The following SGCD variants were observed in gnomAD, a reference collection of about 807,000 sequenced individuals.
SGCD encodes delta-sarcoglycan.
A neutral mutation model predicts 36.6 loss-of-function variants in SGCD; 18 were observed. That is an observed-to-expected ratio of 0.49 (90% CI 0.34 to 0.73). The LOEUF is 0.73. SGCD is among the 30% of genes least tolerant of loss of function. The pLI, the probability that SGCD is intolerant of heterozygous loss-of-function variation, is 0.01. For missense variants in SGCD, 387 were observed against 346.7 expected (o/e 1.12, Z -0.92); for synonymous variants, 133 against 130.6 (o/e 1.02, Z -0.12).
At chr5:156,529,155 G>C (rs1463893127) in intron 4 of SGCD, among the ~76,000 whole-genome samples, 1 of 152,026 alleles carries the variant, frequency 6.6e-6, no homozygotes, top group South Asian at 2.1e-4. Context: ...GGGCCGGTGC[G>C]CCAGCTCACG....
chr5:156,120,246 G>A (rs189406464), intron 2 of SGCD, among the ~76,000 whole-genome samples: 1 of 152,210 alleles, frequency 6.6e-6, no homozygotes, highest in Admixed American at 6.5e-5. Flanking sequence ...AGCAGAAAGA[G>A]GTGTGTAGGG....
At chr5:156,028,092 G>A (rs1759264102) in intron 1 of SGCD, among the ~76,000 whole-genome samples, 1 of 152,260 alleles carries the variant, frequency 6.6e-6, no homozygotes, top group Non-Finnish European at 1.5e-5. Flanking sequence ...TTTCAACAGA[G>A]GGATTTTGGA....
chr5:156,038,528 C>T lies in SGCD; in HGVS notation c.-281-79350C>T, dbSNP rs147551964. Reference sequence around the variant, plus strand: ...GAAAATTATTAGGATGTGATACATACAGGAACTCTGTACTGTATTTGCAAC... The same window carrying T: ...GAAAATTATTAGGATGTGATACATATAGGAACTCTGTACTGTATTTGCAAC... On this transcript the variant is annotated intron_variant, in intron 1 of 9. Transcript: ENST00000517913. Among the ~76,000 whole-genome samples the T allele has an allele frequency of 4.6e-5, 7 of 152,058 alleles. No homozygotes were observed. The East Asian group carries it at 1.4e-3, about 29-fold the overall frequency.
chr5:156,755,352 G>C lies in SGCD; in HGVS notation c.576-2229G>C, dbSNP rs116408696. 3.3e-3 allele frequency among the ~76,000 whole-genome samples: 507 copies of C among 152,292 alleles called. 6 individuals carry two copies. Among genetic ancestry groups the C allele is most frequent in the African/African-American group, 0.011 (466 of 41,554 alleles). ...AAAGCACAAACTCATCCTACAAGGA[G>C]AAAGGTATCGACATTAGTGGAAACA... On this transcript the variant is annotated intron_variant, in intron 7 of 8. Coordinates refer to ENST00000337851, the MANE Select transcript of SGCD (RefSeq NM_000337.6).
intron 3 of SGCD, among the ~76,000 whole-genome samples, chr5:156,144,699 C>G (rs888409213): frequency 1.3e-5 from 2 of 152,186 alleles, no homozygotes; most frequent in Non-Finnish European, 2.9e-5. Context: ...CCTGTTCACT[C>G]TGATGGTAGT....
chr5:156,365,710 A>G (rs115380535), intron 3 of SGCD, among the ~76,000 whole-genome samples: 1,944 of 152,306 alleles, frequency 0.013, 48 homozygotes, highest in African/African-American at 0.045. Flanking sequence ...GTGTGTATGT[A>G]GACATATATA....
At chr5:156,629,054 C>G (rs1762534017) in intron 6 of SGCD, among the ~76,000 whole-genome samples, 1 of 152,162 alleles carries the variant, frequency 6.6e-6, no homozygotes, top group Admixed American at 6.5e-5. Context: ...AAAATTAACT[C>G]TCAAAACTTC....
At position 156,183,219 on chromosome 5, in the gene SGCD, A is replaced by C. The variant is rs1329810191; in HGVS notation, c.-44+59200A>C. Among the ~76,000 whole-genome samples the C allele has an allele frequency of 4.6e-5, 7 of 152,320 alleles. No individual in the cohort carries two copies. The South Asian group carries it at 8.3e-4, about 18-fold the overall frequency. On this transcript the variant is annotated intron_variant, in intron 3 of 9. Transcript: ENST00000517913. ...GCTAAGACCATTGTCCTAGAGGTGG[A>C]AAAATGGAGTGTCTGAAAAGACTTA... is the stretch of plus-strand genomic sequence containing the variant.
chr5:155,728,130 C>A, the SGCD span, among the ~76,000 whole-genome samples: 6 of 152,144 alleles, frequency 3.9e-5, no homozygotes, highest in East Asian at 1.2e-3. Flanking sequence ...GGGAGCCTCT[C>A]GGCGGCTTCC....
At chr5:156,536,927 C>T (rs1360936870) in intron 4 of SGCD, among the ~76,000 whole-genome samples, 1 of 152,100 alleles carries the variant, frequency 6.6e-6, no homozygotes, top group Non-Finnish European at 1.5e-5. Flanking sequence ...TTCCATAGTC[C>T]TAGACCCTAC....
At chr5:156,309,271 T>C (rs1462514867) in intron 3 of SGCD, among the ~76,000 whole-genome samples, 2 of 152,176 alleles carry the variant, frequency 1.3e-5, no homozygotes, top group East Asian at 3.8e-4. Context: ...AAATGATGCA[T>C]ATATTTATCT....
At chr5:156,668,576 A>G (rs547118542) in intron 7 of SGCD, among the ~76,000 whole-genome samples, 1 of 152,352 alleles carries the variant, frequency 6.6e-6, no homozygotes, top group South Asian at 2.1e-4. Flanking sequence ...TATATTTTGA[A>G]CAAATTAAAC....
At chr5:155,970,545 G>A (rs1202576341) in intron 1 of SGCD, among the ~76,000 whole-genome samples, 3 of 152,012 alleles carry the variant, frequency 2.0e-5, no homozygotes, top group African/African-American at 7.2e-5. Context: ...ATAAATAATT[G>A]CCATTATATT....
chr5:156,348,005 A>G (rs1358383731), intron 3 of SGCD, among the ~76,000 whole-genome samples: 2 of 152,172 alleles, frequency 1.3e-5, no homozygotes, highest in African/African-American at 4.8e-5. Context: ...AGCAAATAGA[A>G]CTGAAGTGTT....
intron 1 of SGCD, among the ~76,000 whole-genome samples, chr5:155,995,542 A>G (rs1420637540): frequency 6.6e-6 from 1 of 152,236 alleles, no homozygotes; most frequent in Non-Finnish European, 1.5e-5. Flanking sequence ...CTAATAAAAT[A>G]AATTGAATAC....
At chr5:155,859,984 A>G in the SGCD span, among the ~76,000 whole-genome samples, 28 of 152,200 alleles carry the variant, frequency 1.8e-4, no homozygotes, top group African/African-American at 6.8e-4. Flanking sequence ...AAATTTGCAA[A>G]TCTTCTTGTC....
At position 156,225,827 on chromosome 5, in the gene SGCD, A is replaced by C. The variant is rs184817527; in HGVS notation, c.-44+101808A>C. 6.4e-4 allele frequency among the ~76,000 whole-genome samples: 97 copies of C among 152,120 alleles called. 1 individual carries two copies. The Middle Eastern group carries it at 0.017, about 27-fold the overall frequency. ...ACAGATAATAAATATTAAAAAAAAA[A>C]CCTTAAAGGTTAAGAGAGATTCCCT... On this transcript the variant is annotated intron_variant, in intron 3 of 9. Coordinates refer to the SGCD transcript ENST00000517913.
At chr5:156,210,605 G>A (rs2127640668) in intron 3 of SGCD, among the ~76,000 whole-genome samples, 1 of 152,042 alleles carries the variant, frequency 6.6e-6, no homozygotes, top group South Asian at 2.1e-4. Context: ...AAATTTAACA[G>A]AGATTGAAAT....
chr5:155,880,059 G>A (rs953621008), intron 1 of SGCD, among the ~76,000 whole-genome samples: 3 of 152,174 alleles, frequency 2.0e-5, no homozygotes, highest in African/African-American at 7.2e-5. Context: ...AACTTCAAGA[G>A]CGCAGCCACT....
Sources: allele counts gnomAD v4.1 joint callset (sites outside exome capture counted in the v4.1 genomes callset), GRCh38; gene constraint gnomAD v4.1.1; transcripts MANE v1.5; gene names NCBI Gene and HGNC (gene_info 2026-07-23, HGNC 2026-07-21).